The following CSMD1 variants were observed in gnomAD, a reference collection of about 807,000 sequenced individuals.
CSMD1 encodes the protein CUB and Sushi multiple domains 1.
A neutral mutation model predicts 417.5 loss-of-function variants in CSMD1; 213 were observed. The observed-to-expected ratio is 0.51, with a 90% CI of 0.46 to 0.57. CSMD1 has a LOEUF of 0.57. Among genes scored for constraint, CSMD1 ranks in the 20% least tolerant of loss-of-function variants. The pLI, the probability that CSMD1 is intolerant of heterozygous loss-of-function variation, is 0.00. For synonymous variants in CSMD1, 2,862 were observed against 1,736.8 expected (o/e 1.65, Z -16.11); for missense variants, 6,923 against 4,529.7 (o/e 1.53, Z -15.17).
At chr8:4,380,077 G>A (rs1282818425) in intron 3 of CSMD1, among the ~76,000 whole-genome samples, 2 of 152,168 alleles carry the variant, frequency 1.3e-5, no homozygotes, top group African/African-American at 4.8e-5. Context: ...ATAAATGATT[G>A]GGATAAAAAG....
chr8:4,379,675 AGG>A (rs1802977204), intron 3 of CSMD1, among the ~76,000 whole-genome samples: 4 of 149,798 alleles, frequency 2.7e-5, no homozygotes, highest in Non-Finnish European at 4.5e-5. Flanking sequence ...TAGTTCTTAC[AGG>A]GGAAGAGGGC....
intron 1 of CSMD1, among the ~76,000 whole-genome samples, chr8:4,866,509 T>G (rs1419309144): frequency 6.6e-6 from 1 of 151,944 alleles, no homozygotes; most frequent in Non-Finnish European, 1.5e-5. Context: ...TAGGTACTTT[T>G]AATCCCCACA....
At chr8:4,482,905 T>C (rs1016142342) in intron 2 of CSMD1, among the ~76,000 whole-genome samples, 1 of 152,196 alleles carries the variant, frequency 6.6e-6, no homozygotes, top group African/African-American at 2.4e-5. Context: ...TGTAAAATTT[T>C]CCAAATATAT....
chr8:3,142,373 T>A, intron 41 of CSMD1, 92 bp downstream of exon 41: 1 of 1,124,202 alleles, frequency 8.9e-7, no homozygotes, highest in Non-Finnish European at 1.3e-6. Flanking sequence ...CGTACAAGCT[T>A]GGAACCAGTT....
At chr8:4,469,933 T>A (rs1563209809) in intron 2 of CSMD1, among the ~76,000 whole-genome samples, 1 of 150,952 alleles carries the variant, frequency 6.6e-6, no homozygotes, top group East Asian at 2.0e-4. Context: ...AGTGGTGTGA[T>A]CTCGGCTCAC....
intron 12 of CSMD1, among the ~76,000 whole-genome samples, chr8:3,465,360 G>C (rs554985897): frequency 1.3e-5 from 2 of 152,178 alleles, no homozygotes; most frequent in Non-Finnish European, 2.9e-5. Context: ...GGGAGTTAGA[G>C]ACAGCACAAA....
At chr8:4,446,695 C>T (rs1265362479) in intron 2 of CSMD1, among the ~76,000 whole-genome samples, 1 of 150,148 alleles carries the variant, frequency 6.7e-6, no homozygotes, top group African/African-American at 2.5e-5. Context: ...TGCGATTACT[C>T]GTGCCCACCA....
At chr8:3,246,164 A>C (rs900525836) in intron 26 of CSMD1, among the ~76,000 whole-genome samples, 1 of 151,662 alleles carries the variant, frequency 6.6e-6, no homozygotes, top group East Asian at 1.9e-4. Flanking sequence ...GATTCCCATC[A>C]CTCTAGCTCC....
intron 3 of CSMD1, among the ~76,000 whole-genome samples, chr8:4,298,119 G>A (rs1338682191): frequency 1.3e-5 from 2 of 152,068 alleles, no homozygotes; most frequent in Non-Finnish European, 2.9e-5. Context: ...ACATCCCAGG[G>A]CACTGGGGAC....
intron 1 of CSMD1, among the ~76,000 whole-genome samples, chr8:4,880,660 G>A (rs919537800): frequency 6.6e-6 from 1 of 152,170 alleles, no homozygotes; most frequent in African/African-American, 2.4e-5. Context: ...GCAATCGGAA[G>A]TGGAGACAGA....
chr8:3,602,757 T>C (rs1801423939), intron 8 of CSMD1, among the ~76,000 whole-genome samples: 1 of 150,498 alleles, frequency 6.6e-6, no homozygotes, highest in South Asian at 2.1e-4. Context: ...ACAGAAAAAG[T>C]GTTACAGAAG....
chr8:4,469,404 C>T (rs1005886505), intron 2 of CSMD1, among the ~76,000 whole-genome samples: 2 of 152,128 alleles, frequency 1.3e-5, no homozygotes, highest in Non-Finnish European at 2.9e-5. Flanking sequence ...AGCATTCTGC[C>T]GTATTTTCAG....
chr8:3,677,692 G>A (rs563612527), intron 7 of CSMD1, among the ~76,000 whole-genome samples: 8 of 152,254 alleles, frequency 5.3e-5, no homozygotes, highest in African/African-American at 1.9e-4. Flanking sequence ...CCAGAGCTGG[G>A]TAAATTCCCC....
chr8:4,479,078 G>A (rs1406018540), intron 2 of CSMD1, among the ~76,000 whole-genome samples: 1 of 152,106 alleles, frequency 6.6e-6, no homozygotes. Context: ...GTTTACGTGT[G>A]TAAAGAAATA....
intron 6 of CSMD1, among the ~76,000 whole-genome samples, chr8:3,744,326 T>A (rs1284424582): frequency 1.3e-5 from 2 of 152,084 alleles, no homozygotes; most frequent in Non-Finnish European, 2.9e-5. Flanking sequence ...CTACTCTGCC[T>A]GTGATACCCT....
intron 2 of CSMD1, among the ~76,000 whole-genome samples, chr8:4,464,184 C>T (rs1295461398): frequency 6.6e-6 from 1 of 152,162 alleles, no homozygotes; most frequent in Non-Finnish European, 1.5e-5. Flanking sequence ...ACTTACAGGA[C>T]TCTAATTTAG....
intron 42 of CSMD1, among the ~76,000 whole-genome samples, chr8:3,117,244 T>C (rs1353103628): frequency 6.6e-6 from 1 of 152,128 alleles, no homozygotes; most frequent in African/African-American, 2.4e-5. Flanking sequence ...CTAATTTTTT[T>C]GTATTTTTAG....
chr8:4,031,792 A>G (rs551413427), intron 4 of CSMD1, 113 bp downstream of exon 4: 1 of 742,054 alleles, frequency 1.3e-6, no homozygotes, highest in African/African-American at 1.8e-5. Flanking sequence ...TGACATTGTA[A>G]GAGTCAGCTC....
chr8:4,390,678 T>TA (rs1288889458), intron 3 of CSMD1, among the ~76,000 whole-genome samples: 5 of 151,138 alleles, frequency 3.3e-5, no homozygotes, highest in Non-Finnish European at 5.9e-5. Context: ...CACGCCCGGC[T>TA]AATTTTTTGT....
Sources: allele counts gnomAD v4.1 joint callset (sites outside exome capture counted in the v4.1 genomes callset), GRCh38; gene constraint gnomAD v4.1.1; transcripts MANE v1.5; gene names NCBI Gene and HGNC (gene_info 2026-07-23, HGNC 2026-07-21).